Variants in MYO15B observed in about 807,000 individuals in gnomAD.
MYO15B encodes myosin XVB pseudogene.
A neutral mutation model predicts 119.3 loss-of-function variants in MYO15B; 207 were observed. That is an observed-to-expected ratio of 1.73 (90% CI 1.55 to 1.95). The LOEUF (loss-of-function observed/expected upper bound fraction) is 1.95, where lower values mean the gene tolerates loss of function less well. MYO15B is among the 30% of genes most tolerant of loss of function. The pLI is 0.00. For missense variants in MYO15B, 2,264 were observed against 1,203.1 expected (o/e 1.88, Z -13.04); for synonymous variants, 966 against 498.9 (o/e 1.94, Z -12.48).
In MYO15B at chr17:75,592,545, G is replaced by A. The variant is rs536516217; in HGVS notation, c.2829+4G>A. ...GACTTACTACTACCTCAACCAGGTC[G>A]GGGGAGCCCTTGTGGTGCGGCGGGG... is the stretch of plus-strand genomic sequence containing the variant. On this transcript the variant is annotated splice_donor_region_variant and intron_variant, in intron 8 of 63. Coordinates refer to ENST00000645453, the Ensembl canonical transcript of MYO15B. 9.8e-6 allele frequency: 6 copies of A among 610,098 alleles called. No individual in the cohort carries two copies. Among genetic ancestry groups the A allele is most frequent in the Admixed American group, 2.8e-5 (1 of 36,280 alleles). 37.8% of individuals were successfully genotyped at this position (610,098 alleles called of 1,614,324 possible).
At chr17:75,591,379 G>A (rs1044404011) in intron 4 of MYO15B, 133 bp downstream of exon 4, 4 of 622,194 alleles carry the variant, frequency 6.4e-6, no homozygotes, top group South Asian at 1.9e-5. Context: ...CCTCAGGGCC[G>A]AGCTCCTGGC....
chr17:75,595,379 C>G (rs2147767346), intron 12 of MYO15B, among the ~76,000 whole-genome samples: 1 of 152,250 alleles, frequency 6.6e-6, no homozygotes, highest in South Asian at 2.1e-4. Context: ...TGGAGCCCAC[C>G]ACAAGCCCCA....
chr17:75,608,731 T>C, intron 21 of MYO15B, among the ~76,000 whole-genome samples: 1 of 152,068 alleles, frequency 6.6e-6, no homozygotes, highest in East Asian at 2.0e-4. Context: ...CTAATTTTGT[T>C]GTTGTTGTTG....
rs2056235795 is a variant in MYO15B at position 75,589,008 on chromosome 17, G to A, written c.951G>A (p.Glu317=). The change falls in exon 1 of 64, where the codon GAG becomes GAA. Residue 317 remains glutamate (E), a synonymous_variant. Coordinates refer to ENST00000645453, the Ensembl canonical transcript of MYO15B. The surrounding 1 kb of genome is among the most constrained non-coding windows in gnomAD (Gnocchi z 4.2). ...GGCAGGTGCCAGCGGCGGCAGGCGA[G>A]GGCGAAGCGGGAGCCGCAGCAGGAG... The A allele has an allele frequency of 2.5e-6, 1 of 397,728 alleles. No individual in the cohort carries two copies. The highest frequency in any genetic ancestry group is 2.1e-5 in the African/African-American group (1 of 48,598). 24.6% of individuals were successfully genotyped at this position (397,728 alleles called of 1,614,324 possible). A position where few individuals can be genotyped will look rare whatever the true frequency, so the allele number is the denominator to read the frequency against.
intron 4 of MYO15B, 36 bp from the exon 5 acceptor site, chr17:75,591,565 C>T (rs1215189499): frequency 4.3e-6 from 3 of 702,508 alleles, no homozygotes; most frequent in Non-Finnish European, 7.8e-6. Flanking sequence ...CCTATGTGCC[C>T]CTCCCTGGAG....
chr17:75,592,370 G>A (rs549930144), intron 7 of MYO15B, 58 bp from the exon 8 acceptor site: 8 of 697,302 alleles, frequency 1.1e-5, no homozygotes, highest in Admixed American at 4.0e-5. Context: ...TGTCACTGTC[G>A]GGGTGTGGCC....
rs568625505 is a variant in MYO15B at position 75,616,549 on chromosome 17, C to T, written c.6270C>T (p.Ile2090=). ...TGCCGTCCCCTCCTCCTCCCCCCATCGTGAAGAAGCCATTGAAGCAAGGTG... is the reference window on the plus strand; with the variant it reads ...TGCCGTCCCCTCCTCCTCCCCCCATTGTGAAGAAGCCATTGAAGCAAGGTG... Residue 2090 remains isoleucine, a synonymous_variant, in exon 39 of 64, where the codon ATC becomes ATT. Coordinates refer to ENST00000645453, the Ensembl canonical transcript of MYO15B. The T allele has an allele frequency of 1.2e-4, 84 of 702,840 alleles. No homozygotes were observed. In the East Asian group the frequency reaches 1.7e-3, roughly 15 times the overall value. 43.5% of individuals were successfully genotyped at this position (702,840 alleles called of 1,614,324 possible).
At chr17:75,623,851 G>A (rs746605837) in exon 54 of MYO15B, 29 of 613,530 alleles carry the variant, frequency 4.7e-5, no homozygotes, top group Admixed American at 3.3e-4. Flanking sequence ...GGACACCCCC[G>A]GCCGTGAGTG....
chr17:75,626,139 A>G (rs936432976), exon 63 of MYO15B: 4 of 702,968 alleles, frequency 5.7e-6, no homozygotes, highest in Non-Finnish European at 1.0e-5. Flanking sequence ...CCACCTGCTA[A>G]GCCCTCTGGA....
At chr17:75,616,215 G>A (rs1306381102) in intron 37 of MYO15B, 68 bp downstream of exon 37, 11 of 576,648 alleles carry the variant, frequency 1.9e-5, no homozygotes, top group Non-Finnish European at 3.1e-5. Flanking sequence ...GGCCAGGGAG[G>A]GTGGGGTGTG....
chr17:75,625,447 C>T, intron 60 of MYO15B, 80 bp from the exon 61 acceptor site: 4 of 687,594 alleles, frequency 5.8e-6, no homozygotes, highest in Non-Finnish European at 5.3e-6. Context: ...ACAATAGGCA[C>T]TGGTTATTTG....
At chr17:75,598,577 T>C (rs1336545100) in intron 14 of MYO15B, among the ~76,000 whole-genome samples, 2 of 147,426 alleles carry the variant, frequency 1.4e-5, no homozygotes, top group African/African-American at 2.5e-5. Context: ...AATGGTAAAA[T>C]CATCAAATGT....
At chr17:75,592,577 G>C (rs1174439743) in intron 8 of MYO15B, 36 bp downstream of exon 8, 3 of 623,640 alleles carry the variant, frequency 4.8e-6, no homozygotes, top group Non-Finnish European at 8.7e-6. Context: ...GGGGAGGCCT[G>C]CCCAGAGGAG....
At position 75,616,360 on chromosome 17, in the gene MYO15B, A is replaced by G. The variant is rs2058370282; in HGVS notation, c.6158A>G (p.His2053Arg). ...ACGATGAAGCCCCCGGCCAAGGTCC[A>G]CATCCCCCAGGGGGAAGCGCAGGAG... is the stretch of plus-strand genomic sequence containing the variant. Residue 2053 changes from histidine to arginine, a missense_variant, in exon 38 of 64, where the codon CAC becomes CGC. His to Arg is a conservative substitution (Grantham distance 29). Transcript: ENST00000645453. The G allele has an allele frequency of 2.0e-5, 12 of 613,278 alleles. No individual in the cohort carries two copies. The South Asian group carries it at 2.3e-4, about 12-fold the overall frequency. 38.0% of individuals were successfully genotyped at this position (613,278 alleles called of 1,614,324 possible).
intron 8 of MYO15B, 33 bp downstream of exon 8, chr17:75,592,574 C>T: frequency 1.6e-6 from 1 of 618,170 alleles, no homozygotes; most frequent in Non-Finnish European, 2.9e-6. Context: ...GGCGGGGAGG[C>T]CTGCCCAGAG....
At chr17:75,617,134 G>A (rs975032041) in exon 41 of MYO15B, 23 of 682,286 alleles carry the variant, frequency 3.4e-5, no homozygotes, top group South Asian at 1.1e-4. Flanking sequence ...GTGGCTCCTC[G>A]ACCCAAGGCC....
At chr17:75,621,051 C>G (rs890370927) in exon 50 of MYO15B, 5 of 702,872 alleles carry the variant, frequency 7.1e-6, no homozygotes, top group Middle Eastern at 2.3e-4. Context: ...ACCCTTGGAG[C>G]CAGGCACACA....
At chr17:75,626,819 C>T (rs774218312) in exon 64 of MYO15B, 11 of 462,124 alleles carry the variant, frequency 2.4e-5, no homozygotes, top group Non-Finnish European at 3.5e-5. Context: ...GGAGAAACAG[C>T]TGCTGAGGAA....
chr17:75,601,371 G>A, intron 14 of MYO15B, 67 bp from the exon 15 acceptor site: 1 of 689,320 alleles, frequency 1.5e-6, no homozygotes, highest in Non-Finnish European at 2.7e-6. Flanking sequence ...TGCTCACCGG[G>A]AGAGGGCGCC....
Sources: allele counts gnomAD v4.1 joint callset (sites outside exome capture counted in the v4.1 genomes callset), GRCh38; gene constraint gnomAD v4.1.1; non-coding constraint Gnocchi (gnomAD v3.1); transcripts MANE v1.5; gene names NCBI Gene and HGNC (gene_info 2026-07-23, HGNC 2026-07-21).